Variants in RGL1 observed in about 807,000 individuals in gnomAD.
RGL1 encodes the protein ral guanine nucleotide dissociation stimulator-like 1.
Under a neutral mutation model 95.2 loss-of-function variants are expected in RGL1, and 24 were observed. The observed-to-expected ratio is 0.25, with a 90% CI of 0.18 to 0.35. The LOEUF is 0.35. Ranked by LOEUF, RGL1 falls within the 10% of genes least tolerant of loss-of-function variation. The probability of loss-of-function intolerance (pLI) is 1.00; values close to 1 mark genes in which losing one functional copy is unlikely to be tolerated. For missense variants in RGL1, 715 were observed against 936.3 expected (o/e 0.76, Z 3.08); for synonymous variants, 329 against 344.9 (o/e 0.95, Z 0.51).
chr1:183,921,711 G>A (rs183854637), intron 16 of RGL1, among the ~76,000 whole-genome samples: 6 of 152,258 alleles, frequency 3.9e-5, no homozygotes, highest in Admixed American at 2.0e-4. Flanking sequence ...TTTTGTGGAC[G>A]TATGTTTTTA....
intron 4 of RGL1, among the ~76,000 whole-genome samples, chr1:183,866,791 G>A (rs1665866449): frequency 6.6e-6 from 1 of 152,230 alleles, no homozygotes; most frequent in Non-Finnish European, 1.5e-5. Context: ...AAAGTAGCCT[G>A]TGGCAGTGTG....
intron 1 of RGL1, among the ~76,000 whole-genome samples, chr1:183,662,879 ACAG>A (rs1245854116): frequency 6.6e-6 from 1 of 152,214 alleles, no homozygotes; most frequent in African/African-American, 2.4e-5. Flanking sequence ...GATCAATGGA[ACAG>A]AACAGAGCCC....
In RGL1 at chr1:183,785,228, C is replaced by T. The variant is rs74668226; in HGVS notation, c.133-21147C>T. ...ACCCTCTTTGTCATCTGGCCTTAGC[C>T]CATCTCCCATTGCACTAATCCTTCA... On this transcript the variant is annotated intron_variant, in intron 2 of 18. Coordinates refer to the RGL1 transcript ENST00000304685. Among the ~76,000 whole-genome samples, 426 of 152,330 alleles carry T rather than the reference C, an allele frequency of 2.8e-3. 13 individuals carry two copies. The East Asian group carries it at 0.069, about 25-fold the overall frequency.
intron 2 of RGL1, among the ~76,000 whole-genome samples, chr1:183,846,286 CA>C (rs1422175092): frequency 6.6e-6 from 1 of 151,742 alleles, no homozygotes; most frequent in African/African-American, 2.4e-5. Flanking sequence ...AGCAAACTAA[CA>C]GAAGAACAGA....
intron 3 of RGL1, among the ~76,000 whole-genome samples, chr1:183,858,393 C>A (rs1206621726): frequency 1.3e-5 from 2 of 151,924 alleles, no homozygotes; most frequent in East Asian, 1.9e-4. Flanking sequence ...ATCTAGAGAC[C>A]CTGGGTTATG....
At chr1:183,862,689 G>A (rs1665582257) in intron 3 of RGL1, among the ~76,000 whole-genome samples, 1 of 152,168 alleles carries the variant, frequency 6.6e-6, no homozygotes, top group East Asian at 1.9e-4. Flanking sequence ...CCTTTGCAGA[G>A]GCAAATCTGA....
At chr1:183,900,627 C>T (rs970341561) in intron 11 of RGL1, among the ~76,000 whole-genome samples, 40 of 152,060 alleles carry the variant, frequency 2.6e-4, no homozygotes, top group African/African-American at 9.7e-4. Flanking sequence ...GCCTCAGCCT[C>T]CCAAGTAGCT....
intron 4 of RGL1, among the ~76,000 whole-genome samples, chr1:183,870,821 A>G (rs1208080868): frequency 2.0e-5 from 3 of 152,112 alleles, no homozygotes; most frequent in Non-Finnish European, 4.4e-5. Context: ...AAATTTCTCT[A>G]TTTGTGTCTC....
intron 2 of RGL1, among the ~76,000 whole-genome samples, chr1:183,796,672 T>C (rs3002655): frequency 0.38 from 57,087 of 151,986 alleles, 11,548 homozygotes; most frequent in South Asian, 0.58. Flanking sequence ...TGGTTTTCAG[T>C]ACCATTTCAA....
intron 2 of RGL1, among the ~76,000 whole-genome samples, chr1:183,824,793 A>G (rs1234448785): frequency 6.6e-6 from 1 of 152,266 alleles, no homozygotes; most frequent in East Asian, 1.9e-4. Context: ...TATTTTAAAT[A>G]TTTGTCTCAC....
At chr1:183,854,399 A>G (rs936093563) in intron 3 of RGL1, among the ~76,000 whole-genome samples, 1 of 152,214 alleles carries the variant, frequency 6.6e-6, no homozygotes, top group Admixed American at 6.5e-5. Context: ...TAAGTATAGT[A>G]CCACCGTGGG....
chr1:183,735,018 C>T (rs981098311), intron 1 of RGL1, among the ~76,000 whole-genome samples: 3 of 151,996 alleles, frequency 2.0e-5, no homozygotes, highest in South Asian at 4.2e-4. Flanking sequence ...TGCTGAGCAG[C>T]GTTTCTCCAG....
intron 2 of RGL1, among the ~76,000 whole-genome samples, chr1:183,796,603 G>T (rs1157222024): frequency 1.1e-4 from 17 of 152,178 alleles, no homozygotes; most frequent in Admixed American, 1.1e-3. Flanking sequence ...AAATCTAGTT[G>T]TCTCTAACTG....
chr1:183,706,192 T>C (rs1654902015), intron 1 of RGL1, among the ~76,000 whole-genome samples: 1 of 152,058 alleles, frequency 6.6e-6, no homozygotes, highest in African/African-American at 2.4e-5. Context: ...GGAGCAGAGT[T>C]GGGCATGAGG....
At chr1:183,662,316 T>C (rs906358971) in intron 1 of RGL1, among the ~76,000 whole-genome samples, 19 of 151,356 alleles carry the variant, frequency 1.3e-4, no homozygotes, top group East Asian at 1.2e-3. Flanking sequence ...AAAACCCCAT[T>C]GTCTCAGCCC....
intron 2 of RGL1, among the ~76,000 whole-genome samples, chr1:183,744,817 G>T (rs1329638887): frequency 1.3e-5 from 2 of 151,692 alleles, no homozygotes; most frequent in African/African-American, 4.8e-5. Context: ...TTAACTTTTA[G>T]TTTTCTTTCA....
chr1:183,843,821 G>GTTTTTTTTT (rs5779190), intron 2 of RGL1, among the ~76,000 whole-genome samples: 1 of 150,856 alleles, frequency 6.6e-6, no homozygotes, highest in Non-Finnish European at 1.5e-5. Context: ...ATATTTTCAT[G>GTTTTTTTTT]TTTTTTTTTG....
chr1:183,801,399 C>T (rs926908448), upstream of RGL1, among the ~76,000 whole-genome samples: 3 of 151,644 alleles, frequency 2.0e-5, no homozygotes, highest in Non-Finnish European at 4.4e-5. Context: ...GGTATTAACC[C>T]CTTATTAGAT....
Position 183,882,744 on chromosome 1 carries a change from G to A in RGL1, c.611-1042G>A, listed in dbSNP as rs146663396. 5.7e-3 allele frequency among the ~76,000 whole-genome samples: 864 copies of A among 152,266 alleles called. 10 individuals are homozygous for A. Among genetic ancestry groups the A allele is most frequent in the African/African-American group, 0.02 (820 of 41,532 alleles). On this transcript the variant is annotated intron_variant, in intron 5 of 17. Transcript: ENST00000360851. Reference sequence around the variant, plus strand: ...TGCCCTAAAGGGGAAGTGGTGTAGGGTCCACTCTCGGAAGCTCCTTTTCCC... The same window carrying A: ...TGCCCTAAAGGGGAAGTGGTGTAGGATCCACTCTCGGAAGCTCCTTTTCCC...
Sources: allele counts gnomAD v4.1 joint callset (sites outside exome capture counted in the v4.1 genomes callset), GRCh38; gene constraint gnomAD v4.1.1; transcripts MANE v1.5; gene names NCBI Gene and HGNC (gene_info 2026-07-23, HGNC 2026-07-21).